The following POU6F2 variants were observed in gnomAD, a reference collection of about 807,000 sequenced individuals.
POU6F2 encodes the protein POU domain, class 6, transcription factor 2.
Under a neutral mutation model 71.3 loss-of-function variants are expected in POU6F2, and 31 were observed. The observed-to-expected ratio is 0.43, with a 90% confidence interval of 0.33 to 0.59. The LOEUF is 0.59. Ranked by LOEUF, POU6F2 falls within the 20% of genes least tolerant of loss-of-function variation. The pLI, the probability that POU6F2 is intolerant of heterozygous loss-of-function variation, is 0.04. For synonymous variants in POU6F2, 347 were observed against 355.7 expected (o/e 0.98, Z 0.27); for missense variants, 783 against 856.8 (o/e 0.91, Z 1.07).
At chr7:39,119,181 C>A (rs561583628) in intron 2 of POU6F2, among the ~76,000 whole-genome samples, 2 of 152,252 alleles carry the variant, frequency 1.3e-5, no homozygotes, top group South Asian at 4.1e-4. Flanking sequence ...GTCTGGACAG[C>A]AACCAATCCT....
chr7:39,081,944 G>A (rs1014459098), intron 1 of POU6F2, among the ~76,000 whole-genome samples: 4 of 152,286 alleles, frequency 2.6e-5, no homozygotes, highest in Non-Finnish European at 4.4e-5. Flanking sequence ...ACTTAGCTGC[G>A]TGCCTTTGGG....
rs150781101 is a variant in POU6F2, at chr7:39,389,658, A to G, written c.973-16942A>G. Among the ~76,000 whole-genome samples the G allele has an allele frequency of 2.6e-5, 4 of 152,354 alleles. No homozygotes were observed. In the East Asian group the frequency reaches 7.7e-4, roughly 29 times the overall value. ...AAAAATATTTTTTCCTAACTGTAAT[A>G]TCCAATACATATAAAAATTTGTGTT... On this transcript the variant is annotated intron_variant, in intron 5 of 9. Coordinates refer to ENST00000518318, the MANE Select transcript of POU6F2 (RefSeq NM_001370959.1).
intron 1 of POU6F2, among the ~76,000 whole-genome samples, chr7:39,085,376 GCTTCTCC>G (rs995658704): frequency 6.6e-6 from 1 of 151,722 alleles, no homozygotes; most frequent in African/African-American, 2.4e-5. Context: ...GGGTTTAATT[GCTTCTCC>G]CCCGGGGAGA....
At chr7:39,188,262 A>G (rs1793587242) in intron 2 of POU6F2, among the ~76,000 whole-genome samples, 1 of 152,232 alleles carries the variant, frequency 6.6e-6, no homozygotes, top group Non-Finnish European at 1.5e-5. Flanking sequence ...GTGCATGTGA[A>G]GCAAAAAGGA....
chr7:39,071,698 C>A (rs1157666646), intron 1 of POU6F2, among the ~76,000 whole-genome samples: 7 of 138,668 alleles, frequency 5.0e-5, no homozygotes, highest in Non-Finnish European at 9.3e-5. Flanking sequence ...CACACACACA[C>A]AATATCAAAG....
Position 39,300,494 on chromosome 7 carries a change from G to C in POU6F2, c.599-39148G>C, listed in dbSNP as rs141923478. 3.9e-3 allele frequency among the ~76,000 whole-genome samples: 590 copies of C among 152,270 alleles called. 2 individuals carry two copies. The highest frequency in any genetic ancestry group is 0.013 in the African/African-American group (534 of 41,560). On this transcript the variant is annotated intron_variant, in intron 4 of 9. Transcript: ENST00000518318. ...CCCTCTTCAGCCCTCACTTAACTTC[G>C]GCATAGTTGGCTCGGGCTGCTGTAA...
chr7:39,373,509 G>A (rs1159466016), intron 5 of POU6F2: 1 of 456,660 alleles, frequency 2.2e-6, no homozygotes, highest in East Asian at 6.9e-5. Flanking sequence ...TGGACTAAGG[G>A]AGAAAGGTGG....
intron 2 of POU6F2, among the ~76,000 whole-genome samples, chr7:39,106,557 A>G (rs944734790): frequency 6.6e-6 from 1 of 152,230 alleles, no homozygotes; most frequent in Admixed American, 6.5e-5. Context: ...AATGATGTGA[A>G]GTATTTTGCT....
At chr7:39,085,696 G>A in intron 1 of POU6F2, 164 bp from the exon 2 acceptor site, 1 of 700,498 alleles carries the variant, frequency 1.4e-6, no homozygotes, top group South Asian at 1.8e-5. Flanking sequence ...CTTGACTGCA[G>A]CCAGCAATAA....
Position 39,456,901 on chromosome 7 carries a change from G to T in POU6F2, c.1490-3646G>T, listed in dbSNP as rs1037551435. On this transcript the variant is annotated intron_variant, in intron 8 of 9. Coordinates refer to ENST00000518318, the MANE Select transcript of POU6F2 (RefSeq NM_001370959.1). ...GAAGAAGGAATTCAGTTTCCTGGTG[G>T]AATAACTGTTTCTTGGGGGCCTCAT... Among the ~76,000 whole-genome samples the T allele has an allele frequency of 1.6e-4, 24 of 152,308 alleles. No individual in the cohort carries two copies. In the Middle Eastern group the frequency reaches 0.01, roughly 65 times the overall value.
chr7:39,363,684 A>G (rs1562803442), intron 5 of POU6F2, among the ~76,000 whole-genome samples: 1 of 149,850 alleles, frequency 6.7e-6, no homozygotes, highest in Non-Finnish European at 1.5e-5. Context: ...AGGGAGGAAA[A>G]GGGGGCTCCT....
intron 2 of POU6F2, among the ~76,000 whole-genome samples, chr7:39,133,039 C>T (rs928395213): frequency 6.6e-5 from 10 of 152,178 alleles, no homozygotes; most frequent in African/African-American, 2.2e-4. Context: ...AAGTCAATCC[C>T]GCTCATAAAA....
At chr7:39,069,476 G>A (rs374421933) in intron 1 of POU6F2, among the ~76,000 whole-genome samples, 4 of 152,162 alleles carry the variant, frequency 2.6e-5, no homozygotes, top group Non-Finnish European at 5.9e-5. Flanking sequence ...ACTGGGAAGT[G>A]ACAGATTTTA....
intron 4 of POU6F2, among the ~76,000 whole-genome samples, chr7:39,295,093 T>A (rs1158685504): frequency 6.6e-6 from 1 of 152,046 alleles, no homozygotes; most frequent in Non-Finnish European, 1.5e-5. Flanking sequence ...AAAATTATAT[T>A]TCTTAGTTTG....
intron 1 of POU6F2, among the ~76,000 whole-genome samples, chr7:39,001,809 AGTGATGTGATGATAGTCATG>A (rs1287698804): frequency 2.6e-5 from 4 of 151,630 alleles, no homozygotes; most frequent in Non-Finnish European, 4.4e-5. Flanking sequence ...TGGTGATGGT[AGTGATGTGATGATAGTCATG>A]GTGATGTGAT....
chr7:39,419,085 GTA>G (rs202136615), intron 6 of POU6F2, among the ~76,000 whole-genome samples: 3 of 135,854 alleles, frequency 2.2e-5, no homozygotes, highest in African/African-American at 5.7e-5. Flanking sequence ...ACATATATAC[GTA>G]TATGTGTATA....
chr7:39,416,789 C>A (rs1183478220), intron 6 of POU6F2, among the ~76,000 whole-genome samples: 2 of 148,738 alleles, frequency 1.3e-5, no homozygotes, highest in Admixed American at 1.3e-4. Flanking sequence ...TTAGAAGTAG[C>A]CTAATTTCAA....
chr7:39,262,063 G>A (rs1411955905), intron 4 of POU6F2, among the ~76,000 whole-genome samples: 1 of 152,180 alleles, frequency 6.6e-6, no homozygotes. Flanking sequence ...ACAAAAAAAA[G>A]TTGCTCAATG....
rs73127516 is a variant in POU6F2 at position 39,409,729 on chromosome 7, G to A, written c.1113+2989G>A. On this transcript the variant is annotated intron_variant, in intron 6 of 9. Coordinates refer to ENST00000518318, the MANE Select transcript of POU6F2 (RefSeq NM_001370959.1). ...GTGGGGAGACATGCCAGAATCTTCC[G>A]TCAGGGTCTTGGCCCTCAACTCTCA... Among the ~76,000 whole-genome samples the A allele has an allele frequency of 1.2e-3, 184 of 152,318 alleles. 2 individuals are homozygous for A. The highest frequency in any genetic ancestry group is 6.8e-3 in the Middle Eastern group (2 of 294).
Sources: gnomAD v4.1 joint callset for allele counts (sites outside exome capture counted in the v4.1 genomes callset) on GRCh38, gnomAD v4.1.1 for gene constraint, MANE v1.5 for transcripts, NCBI Gene and HGNC (gene_info 2026-07-23, HGNC 2026-07-21) for gene names.